The following UNC5C variants were observed in gnomAD, a reference collection of about 807,000 sequenced individuals.
The protein encoded by UNC5C is unc-5 netrin receptor C, also known as netrin receptor UNC5C.
Under a neutral mutation model 99.8 loss-of-function variants are expected in UNC5C, and 47 were observed. The ratio of observed to expected loss-of-function variants is 0.47; its 90% CI spans 0.37 to 0.60. The LOEUF (loss-of-function observed/expected upper bound fraction) is 0.60. Among genes scored for constraint, UNC5C ranks in the 20% least tolerant of loss-of-function variants. The probability of loss-of-function intolerance (pLI) is 0.00; values close to 1 mark genes in which losing one functional copy is unlikely to be tolerated. For missense variants in UNC5C, 1,062 were observed against 1,165.9 expected (o/e 0.91, Z 1.30); for synonymous variants, 487 against 452.2 (o/e 1.08, Z -0.98).
intron 1 of UNC5C, among the ~76,000 whole-genome samples, chr4:95,456,892 T>C (rs265041): frequency 0.39 from 58,997 of 151,938 alleles, 11,884 homozygotes; most frequent in Middle Eastern, 0.46. Flanking sequence ...TCTATGACTA[T>C]AATTATTTTC....
rs561519588 is a variant in UNC5C at position 95,404,340 on chromosome 4, T to C, written c.125-68709A>G. ...ATGAAACTCATTTCATTTCTGAAAG[T>C]ACTGGATTAAAAAAAAATCAGCACC... On this transcript the variant is annotated intron_variant, in intron 1 of 15. Transcript: ENST00000453304. Among the ~76,000 whole-genome samples the C allele has an allele frequency of 6.6e-5, 10 of 152,218 alleles. No homozygotes were observed. The East Asian group carries it at 1.7e-3, about 27-fold the overall frequency.
chr4:95,377,635 T>C (rs764256532), intron 1 of UNC5C, among the ~76,000 whole-genome samples: 1 of 152,118 alleles, frequency 6.6e-6, no homozygotes, highest in Non-Finnish European at 1.5e-5. Context: ...TTAGTCTAAA[T>C]GCACTCCTTC....
chr4:95,417,458 A>G (rs535323785), intron 1 of UNC5C, among the ~76,000 whole-genome samples: 171 of 152,286 alleles, frequency 1.1e-3, no homozygotes, highest in African/African-American at 4.0e-3. Flanking sequence ...TGAGTAGGAA[A>G]AATCTTCCTG....
At chr4:95,241,817 G>A (rs1443929307) in intron 7 of UNC5C, among the ~76,000 whole-genome samples, 1 of 152,096 alleles carries the variant, frequency 6.6e-6, no homozygotes, top group East Asian at 1.9e-4. Context: ...CTAGCTTATA[G>A]CACCCATTAC....
intron 1 of UNC5C, among the ~76,000 whole-genome samples, chr4:95,408,953 C>T (rs1054683038): frequency 6.6e-6 from 1 of 152,148 alleles, no homozygotes; most frequent in Non-Finnish European, 1.5e-5. Flanking sequence ...AATGAACAGA[C>T]TGAGATAGCC....
At chr4:95,475,204 T>C (rs1198051772) in intron 1 of UNC5C, among the ~76,000 whole-genome samples, 2 of 152,058 alleles carry the variant, frequency 1.3e-5, no homozygotes, top group East Asian at 3.9e-4. Flanking sequence ...GGTGTCTTTA[T>C]ACTCTCTCCT....
chr4:95,319,124 TACAATAAATA>T (rs1457442244), intron 2 of UNC5C, among the ~76,000 whole-genome samples: 1 of 152,220 alleles, frequency 6.6e-6, no homozygotes, highest in Admixed American at 6.5e-5. Flanking sequence ...GCCACACTTT[TACAATAAATA>T]ACATCTCTCT....
At chr4:95,340,846 A>T (rs1743542832) in intron 1 of UNC5C, among the ~76,000 whole-genome samples, 1 of 152,122 alleles carries the variant, frequency 6.6e-6, no homozygotes, top group Non-Finnish European at 1.5e-5. Flanking sequence ...TTTCCAGCCT[A>T]TCATCTCTAC....
chr4:95,533,438 TTTTA>T (rs1208629006), intron 1 of UNC5C, among the ~76,000 whole-genome samples: 1 of 151,744 alleles, frequency 6.6e-6, no homozygotes, highest in Non-Finnish European at 1.5e-5. Flanking sequence ...AATAATATTA[TTTTA>T]TTAATATTTT....
At chr4:95,269,362 C>T (rs1301487902) in intron 4 of UNC5C, among the ~76,000 whole-genome samples, 1 of 152,188 alleles carries the variant, frequency 6.6e-6, no homozygotes, top group East Asian at 1.9e-4. Flanking sequence ...GATGACGGCT[C>T]ACTGCAGCTG....
At position 95,503,361 on chromosome 4, in the gene UNC5C, G is replaced by A. The variant is rs1488608165; in HGVS notation, c.124+45373C>T. 3.9e-5 allele frequency among the ~76,000 whole-genome samples: 6 copies of A among 151,934 alleles called. No homozygotes were observed. The East Asian group carries it at 1.2e-3, about 29-fold the overall frequency. On this transcript the variant is annotated intron_variant, in intron 1 of 15. Transcript: ENST00000453304. ...GTGAACTTTTTTTCTTTTTAAATTG[G>A]CCAGTCTGTGGTATTCTGTTATAGC...
chr4:95,545,776 A>G (rs983572215), intron 1 of UNC5C, among the ~76,000 whole-genome samples: 17 of 148,530 alleles, frequency 1.1e-4, no homozygotes, highest in East Asian at 4.0e-4. Flanking sequence ...GCGCGCGCAC[A>G]CACACACACA....
intron 1 of UNC5C, among the ~76,000 whole-genome samples, chr4:95,447,961 G>A (rs1747155104): frequency 6.6e-6 from 1 of 152,090 alleles, no homozygotes; most frequent in South Asian, 2.1e-4. Flanking sequence ...ACAGAATTTT[G>A]ACAGATTAAT....
intron 1 of UNC5C, among the ~76,000 whole-genome samples, chr4:95,542,427 T>C (rs1195930313): frequency 6.6e-6 from 1 of 152,150 alleles, no homozygotes; most frequent in Admixed American, 6.6e-5. Context: ...AGGACAAATA[T>C]CTGCATATTT....
At chr4:95,372,806 A>ATCAAAGTGG (rs1465105353) in intron 1 of UNC5C, among the ~76,000 whole-genome samples, 5 of 152,198 alleles carry the variant, frequency 3.3e-5, no homozygotes, top group African/African-American at 9.7e-5. Flanking sequence ...GTACTGAGAC[A>ATCAAAGTGG]TCATTCTATA....
intron 6 of UNC5C, among the ~76,000 whole-genome samples, chr4:95,244,185 C>T (rs1739420496): frequency 6.6e-6 from 1 of 152,160 alleles, no homozygotes; most frequent in African/African-American, 2.4e-5. Flanking sequence ...AACACAATAG[C>T]TACTCCAATG....
intron 3 of UNC5C, among the ~76,000 whole-genome samples, chr4:95,296,646 A>G (rs1258272405): frequency 1.3e-5 from 2 of 152,176 alleles, no homozygotes; most frequent in South Asian, 2.1e-4. Flanking sequence ...TAGCAAGTCA[A>G]TGTAGTGTGG....
intron 1 of UNC5C, among the ~76,000 whole-genome samples, chr4:95,466,122 A>G (rs265028): frequency 0.16 from 24,016 of 152,176 alleles, 2,112 homozygotes; most frequent in East Asian, 0.37. Context: ...CCAAGTAAGT[A>G]TGACAATGTA....
intron 4 of UNC5C, among the ~76,000 whole-genome samples, chr4:95,255,750 G>T (rs1258488063): frequency 3.3e-5 from 5 of 152,024 alleles, no homozygotes; most frequent in Non-Finnish European, 5.9e-5. Context: ...GCCTGCAGAT[G>T]TGCTGTTAGC....
Sources: allele counts gnomAD v4.1 joint callset (sites outside exome capture counted in the v4.1 genomes callset), GRCh38; gene constraint gnomAD v4.1.1; transcripts MANE v1.5; gene names NCBI Gene and HGNC (gene_info 2026-07-23, HGNC 2026-07-21).